The following GLIS3 variants were observed in gnomAD, a reference collection of about 807,000 sequenced individuals.
The protein encoded by GLIS3 is zinc finger protein GLIS3.
In GLIS3, 53 loss-of-function variants were observed where a neutral mutation model predicts 78.6. The ratio of observed to expected loss-of-function variants is 0.67; its 90% CI spans 0.54 to 0.85. The LOEUF is 0.85. Among genes scored for constraint, GLIS3 ranks in the 40% least tolerant of loss-of-function variants. The pLI is 0.00. For missense variants in GLIS3, 1,703 were observed against 1,231.1 expected, an observed-to-expected ratio of 1.38 and a Z score of -5.74; for synonymous variants, 684 against 509.9, an observed-to-expected ratio of 1.34 and a Z score of -4.60.
chr9:4,003,148 G>A (rs1229744210), intron 4 of GLIS3, among the ~76,000 whole-genome samples: 3 of 152,288 alleles, frequency 2.0e-5, no homozygotes, highest in Non-Finnish European at 2.9e-5. Context: ...AGGAGGCTGA[G>A]GCAGGAGGAT....
chr9:4,091,038 G>A (rs1337116174), intron 4 of GLIS3, among the ~76,000 whole-genome samples: 1 of 152,144 alleles, frequency 6.6e-6, no homozygotes, highest in African/African-American at 2.4e-5. Flanking sequence ...CCATTAAGTT[G>A]TTGCAAGTAA....
At chr9:4,029,611 C>T (rs982042020) in intron 4 of GLIS3, among the ~76,000 whole-genome samples, 1 of 152,032 alleles carries the variant, frequency 6.6e-6, no homozygotes, top group Non-Finnish European at 1.5e-5. Flanking sequence ...CCCCACCACC[C>T]TTCTCAGCCT....
intron 4 of GLIS3, among the ~76,000 whole-genome samples, chr9:3,955,654 G>A (rs1429522802): frequency 1.3e-5 from 2 of 152,020 alleles, no homozygotes; most frequent in South Asian, 2.1e-4. Flanking sequence ...TACCAAATAG[G>A]GTTGTAAAGA....
chr9:4,198,927 G>T (rs371315661), intron 2 of GLIS3, among the ~76,000 whole-genome samples: 2 of 152,176 alleles, frequency 1.3e-5, no homozygotes, highest in African/African-American at 4.8e-5. Context: ...TTAAAGAAAA[G>T]AAATTCCAGC....
chr9:4,134,468 T>A (rs1421656412), intron 2 of GLIS3, among the ~76,000 whole-genome samples: 2 of 152,182 alleles, frequency 1.3e-5, no homozygotes, highest in African/African-American at 4.8e-5. Context: ...GTAACTTTGG[T>A]CATTTAGCAG....
intron 4 of GLIS3, among the ~76,000 whole-genome samples, chr9:4,088,688 G>A (rs888997124): frequency 1.3e-5 from 2 of 152,200 alleles, no homozygotes; most frequent in African/African-American, 4.8e-5. Flanking sequence ...CAATAAATGT[G>A]ACCTTGTCCC....
the GLIS3 span, among the ~76,000 whole-genome samples, chr9:4,449,012 G>C: frequency 6.6e-6 from 1 of 152,148 alleles, no homozygotes; most frequent in African/African-American, 2.4e-5. Flanking sequence ...AAGCAGGGCA[G>C]GGTGTCACCT....
the GLIS3 span, among the ~76,000 whole-genome samples, chr9:4,449,134 A>G: frequency 1.3e-5 from 2 of 152,168 alleles, no homozygotes; most frequent in Non-Finnish European, 2.9e-5. Flanking sequence ...TACTTTTCCA[A>G]CGGTCTTAGC....
At chr9:3,850,150 T>A (rs1030203675) in intron 9 of GLIS3, among the ~76,000 whole-genome samples, 1 of 152,224 alleles carries the variant, frequency 6.6e-6, no homozygotes, top group African/African-American at 2.4e-5. Flanking sequence ...TCAGTGTGGC[T>A]ATAGGCTCCT....
chr9:4,384,932 A>C, the GLIS3 span, among the ~76,000 whole-genome samples: 2,633 of 152,100 alleles, frequency 0.017, 68 homozygotes, highest in African/African-American at 0.061. Context: ...CTGTCATTGT[A>C]ACGATTTTCA....
chr9:3,994,134 C>A (rs1364114748), intron 4 of GLIS3, among the ~76,000 whole-genome samples: 1 of 152,134 alleles, frequency 6.6e-6, no homozygotes, highest in Non-Finnish European at 1.5e-5. Context: ...ACTGCTGTTC[C>A]AAAGAACCAC....
At chr9:3,859,491 T>C (rs1820030113) in intron 8 of GLIS3, among the ~76,000 whole-genome samples, 1 of 152,226 alleles carries the variant, frequency 6.6e-6, no homozygotes, top group Non-Finnish European at 1.5e-5. Context: ...ATTTTTTTGA[T>C]GCTAAAATAA....
At chr9:4,448,077 C>T in the GLIS3 span, among the ~76,000 whole-genome samples, 2 of 152,124 alleles carry the variant, frequency 1.3e-5, no homozygotes, top group African/African-American at 4.8e-5. Context: ...TCTGATAGAG[C>T]CCAGCTTTCC....
rs1206285921 is a variant in GLIS3, at chr9:4,298,420, G to A, written c.-99+1001C>T. The A allele has an allele frequency of 2.0e-5, 9 of 454,206 alleles. No homozygotes were observed. The East Asian group carries it at 5.7e-4, about 29-fold the overall frequency. The allele number at this position is 454,206 out of a possible 1,614,324, so 28.1% of individuals were successfully genotyped here. A position where few individuals can be genotyped will look rare whatever the true frequency, so the allele number is the denominator to read the frequency against. ...ATCCATAGGATGACAAATCAGCCAG[G>A]GCCAAGATTTCCAGACACTTGAGTG... On this transcript the variant is annotated intron_variant, in intron 1 of 10. Transcript: ENST00000381971.
chr9:4,190,196 G>A (rs1210301096), intron 2 of GLIS3, among the ~76,000 whole-genome samples: 2 of 152,194 alleles, frequency 1.3e-5, no homozygotes, highest in South Asian at 2.1e-4. Flanking sequence ...TGACTTTGAC[G>A]AGTTGAGAGT....
At chr9:4,286,778 G>A (rs953380114) in intron 1 of GLIS3, among the ~76,000 whole-genome samples, 4 of 152,028 alleles carry the variant, frequency 2.6e-5, no homozygotes, top group African/African-American at 7.2e-5. Flanking sequence ...CAGTGCTCTC[G>A]GCAACTACAA....
At chr9:4,479,904 C>CTTTTTTTTTTTTTTTTTTTT in the GLIS3 span, among the ~76,000 whole-genome samples, 10 of 108,718 alleles carry the variant, frequency 9.2e-5, no homozygotes, top group Non-Finnish European at 1.3e-4. Flanking sequence ...ATTTCTTCTT[C>CTTTTTTTTTTTTTTTTTTTT]TTTTTTTTTT....
intron 4 of GLIS3, among the ~76,000 whole-genome samples, chr9:3,960,103 C>T (rs1030465698): frequency 6.6e-6 from 1 of 152,180 alleles, no homozygotes; most frequent in African/African-American, 2.4e-5. Flanking sequence ...AGCCACTGCA[C>T]TCTAGCCTGG....
intron 4 of GLIS3, among the ~76,000 whole-genome samples, chr9:3,947,928 C>A (rs190257540): frequency 1.3e-5 from 2 of 152,258 alleles, no homozygotes; most frequent in East Asian, 3.9e-4. Context: ...AAATATAAAT[C>A]CTGTACTTCT....
Sources: allele counts gnomAD v4.1 joint callset (sites outside exome capture counted in the v4.1 genomes callset), GRCh38; gene constraint gnomAD v4.1.1; transcripts MANE v1.5; gene names NCBI Gene and HGNC (gene_info 2026-07-23, HGNC 2026-07-21).